Variants in DDC observed in about 807,000 individuals in gnomAD.
DDC encodes dopa decarboxylase, also known as aromatic-L-amino-acid decarboxylase.
In DDC, 43 loss-of-function variants were observed where a neutral mutation model predicts 60.0. The ratio of observed to expected loss-of-function variants is 0.72; its 90% CI spans 0.56 to 0.92. The LOEUF (loss-of-function observed/expected upper bound fraction) is 0.92. DDC is among the 40% of genes least tolerant of loss of function. The probability of loss-of-function intolerance (pLI) is 0.00; values close to 1 mark genes in which losing one functional copy is unlikely to be tolerated. For missense variants in DDC, 573 were observed against 620.2 expected (o/e 0.92, Z 0.81); for synonymous variants, 232 against 234.6 (o/e 0.99, Z 0.10).
intron 9 of DDC, among the ~76,000 whole-genome samples, chr7:50,494,032 C>T (rs1585179778): frequency 6.6e-6 from 1 of 152,190 alleles, no homozygotes; most frequent in Non-Finnish European, 1.5e-5. Flanking sequence ...CCTCCTGGCC[C>T]TATGATCAAT....
At chr7:50,495,530 T>G in intron 8 of DDC, 113 bp from the exon 9 acceptor site, 1 of 859,446 alleles carries the variant, frequency 1.2e-6, no homozygotes, top group Non-Finnish European at 1.9e-6. Context: ...TCCACAGTGG[T>G]AGGGGCCAGG....
At position 50,474,170 on chromosome 7, in the gene DDC, T is replaced by C. The variant is rs75601949; in HGVS notation, c.1041+2454A>G. On this transcript the variant is annotated intron_variant, in intron 11 of 14. Transcript: ENST00000444124. ...CCTTTCCTTAACCGAGGCCAATGCC[T>C]TTCATTAAGCTAGTAGAGATAACTA... Among the ~76,000 whole-genome samples, 26 of 152,362 alleles carry C rather than the reference T, an allele frequency of 1.7e-4. No individual in the cohort carries two copies. In the East Asian group the frequency reaches 5.0e-3, roughly 29 times the overall value.
rs533812826 is a variant in DDC, at chr7:50,497,180, A to C, written c.877-1763T>G. On this transcript the variant is annotated intron_variant, in intron 8 of 14. Coordinates refer to ENST00000444124, the MANE Select transcript of DDC (RefSeq NM_001082971.2). Reference sequence around the variant, plus strand: ...CACAACAGGATATTGCAGCCTCCTTATCTGCCCCACTGAGACGCACAGCCC... The same window carrying C: ...CACAACAGGATATTGCAGCCTCCTTCTCTGCCCCACTGAGACGCACAGCCC... Among the ~76,000 whole-genome samples, 27 of 151,364 alleles carry C rather than the reference A, an allele frequency of 1.8e-4. 1 individual carries two copies. The highest frequency in any genetic ancestry group is 2.1e-4 in the South Asian group (1 of 4,782).
intron 8 of DDC, among the ~76,000 whole-genome samples, chr7:50,496,829 C>T (rs1173998112): frequency 6.6e-6 from 1 of 152,100 alleles, no homozygotes; most frequent in East Asian, 1.9e-4. Context: ...GGGATGTGCA[C>T]CGAGGAGGCA....
At chr7:50,467,170 G>A (rs1231088795) in intron 13 of DDC, 44 bp downstream of exon 13, 1 of 1,504,052 alleles carries the variant, frequency 6.6e-7, no homozygotes, top group Non-Finnish European at 9.2e-7. Flanking sequence ...TTTCCCCTCT[G>A]TCACATTCAC....
At chr7:50,538,422 A>G (rs1292122070) in intron 3 of DDC, among the ~76,000 whole-genome samples, 1 of 152,214 alleles carries the variant, frequency 6.6e-6, no homozygotes, top group Non-Finnish European at 1.5e-5. Context: ...CTCTCTGAAC[A>G]GGCTGGTCTT....
At chr7:50,469,519 G>A (rs2042482060) in intron 12 of DDC, among the ~76,000 whole-genome samples, 1 of 152,224 alleles carries the variant, frequency 6.6e-6, no homozygotes, top group East Asian at 1.9e-4. Context: ...CTTCATTCTT[G>A]GCTAGATGTG....
Position 50,499,209 on chromosome 7 carries a change from G to A in DDC, c.815C>T (p.Ala272Val). The A allele has an allele frequency of 6.2e-7, 1 of 1,613,662 alleles. No homozygotes were observed. Among genetic ancestry groups the A allele is most frequent in the Non-Finnish European group, 8.5e-7 (1 of 1,179,852 alleles). Residue 272 changes from alanine (A) to valine (V), a missense_variant, in exon 8 of 15, where the codon GCA becomes GTA. Coordinates refer to ENST00000444124, the MANE Select transcript of DDC (RefSeq NM_001082971.2). ...NKEDIWLHVD[A>V]AYAGSAFICP... ...GATGAATGCACTGCCTGCGTAGGCT[G>A]CATCAACGTGCAGCCATATGTCTTC...
intron 6 of DDC, among the ~76,000 whole-genome samples, chr7:50,522,055 C>T (rs73123220): frequency 0.1 from 15,441 of 151,822 alleles, 1,045 homozygotes; most frequent in South Asian, 0.14. Flanking sequence ...CAAAACTCTC[C>T]CAGAACTAAG....
At chr7:50,537,811 G>A (rs776989038) in intron 4 of DDC, 49 bp downstream of exon 4, 22 of 1,612,724 alleles carry the variant, frequency 1.4e-5, no homozygotes, top group South Asian at 1.1e-5. Flanking sequence ...CTACAGTCCT[G>A]TGCAGAGCCC....
intron 14 of DDC, among the ~76,000 whole-genome samples, chr7:50,462,226 C>CAAAAAAAAAACAAA (rs2042290601): frequency 1.3e-5 from 1 of 75,380 alleles, no homozygotes; most frequent in Non-Finnish European, 2.4e-5. Context: ...GACAAAAAGA[C>CAAAAAAAAAACAAA]AAAAAAAAAA....
chr7:50,542,988 G>C (rs11575301), intron 2 of DDC: 15,264 of 152,428 alleles, frequency 0.1, 816 homozygotes, highest in Non-Finnish European at 0.12. Context: ...GATGGTCCCA[G>C]ACCCCTCTTC....
chr7:50,517,864 A>T (rs2043778871), intron 6 of DDC, among the ~76,000 whole-genome samples: 2 of 151,398 alleles, frequency 1.3e-5, no homozygotes, highest in Non-Finnish European at 2.9e-5. Context: ...AATATACCTA[A>T]CCAAGGAGTT....
intron 4 of DDC, among the ~76,000 whole-genome samples, chr7:50,529,824 G>A (rs1356496845): frequency 1.3e-5 from 2 of 152,164 alleles, no homozygotes; most frequent in African/African-American, 4.8e-5. Flanking sequence ...GATTCCTAAT[G>A]ACACGGGCTG....
At chr7:50,563,683 C>A (rs1400008440) in intron 1 of DDC, among the ~76,000 whole-genome samples, 3 of 152,174 alleles carry the variant, frequency 2.0e-5, no homozygotes, top group African/African-American at 7.2e-5. Context: ...CTCACCGCAA[C>A]CTCCGCCTCC....
intron 14 of DDC, among the ~76,000 whole-genome samples, chr7:50,459,970 G>A (rs1361784784): frequency 6.8e-6 from 1 of 146,916 alleles, no homozygotes; most frequent in Admixed American, 6.7e-5. Flanking sequence ...CCCCATCTGG[G>A]AGGTGAGGGG....
intron 1 of DDC, among the ~76,000 whole-genome samples, chr7:50,550,328 A>G (rs2044950891): frequency 6.6e-6 from 1 of 152,212 alleles, no homozygotes; most frequent in South Asian, 2.1e-4. Flanking sequence ...TATACTTTTT[A>G]TATATAATGT....
At chr7:50,490,379 G>C (rs901488524) in intron 9 of DDC, among the ~76,000 whole-genome samples, 8 of 152,112 alleles carry the variant, frequency 5.3e-5, no homozygotes, top group African/African-American at 1.7e-4. Context: ...CTTTTAAAAA[G>C]GTCTAAATCA....
At chr7:50,546,362 A>G (rs1220785849) in intron 1 of DDC, among the ~76,000 whole-genome samples, 1 of 152,220 alleles carries the variant, frequency 6.6e-6, no homozygotes, top group Non-Finnish European at 1.5e-5. Context: ...AGGGGCACAT[A>G]GGGACTTACA....
Sources: allele counts gnomAD v4.1 joint callset (sites outside exome capture counted in the v4.1 genomes callset), GRCh38; gene constraint gnomAD v4.1.1; transcripts MANE v1.5; gene names NCBI Gene and HGNC (gene_info 2026-07-23, HGNC 2026-07-21).